The following SMOC2 variants were observed in gnomAD, a reference collection of about 807,000 sequenced individuals.
SMOC2 encodes the protein SPARC related modular calcium binding 2.
Under a neutral mutation model 61.4 loss-of-function variants are expected in SMOC2, and 39 were observed. That is an observed-to-expected ratio of 0.64 (90% CI 0.49 to 0.83). The LOEUF (loss-of-function observed/expected upper bound fraction) is 0.83. Among genes scored for constraint, SMOC2 ranks in the 40% least tolerant of loss-of-function variants. SMOC2 has a pLI of 0.00. For missense variants in SMOC2, 556 were observed against 592.9 expected (o/e 0.94, Z 0.65); for synonymous variants, 247 against 239.9 (o/e 1.03, Z -0.27).
intron 7 of SMOC2, among the ~76,000 whole-genome samples, chr6:168,579,695 G>A (rs1224907616): frequency 1.3e-5 from 2 of 152,180 alleles, no homozygotes; most frequent in South Asian, 2.1e-4. Context: ...GTCCTTGGGG[G>A]CATCACGCGG....
At chr6:168,631,295 C>T (rs535311348) in intron 9 of SMOC2, among the ~76,000 whole-genome samples, 28 of 152,230 alleles carry the variant, frequency 1.8e-4, no homozygotes, top group Admixed American at 3.3e-4. Flanking sequence ...GCCGATTCCC[C>T]GATACTGTCC....
intron 9 of SMOC2, among the ~76,000 whole-genome samples, chr6:168,619,462 T>G (rs746871136): frequency 6.6e-6 from 1 of 152,242 alleles, no homozygotes; most frequent in African/African-American, 2.4e-5. Context: ...ACAATTGTTA[T>G]TCTATTGCAA....
At chr6:168,647,280 C>T (rs1787059004) in intron 9 of SMOC2, among the ~76,000 whole-genome samples, 2 of 152,216 alleles carry the variant, frequency 1.3e-5, no homozygotes, top group Admixed American at 6.5e-5. Flanking sequence ...CGTTAGACCC[C>T]ACCGTGCAGG....
chr6:168,613,394 C>T (rs890898956), intron 9 of SMOC2, among the ~76,000 whole-genome samples: 1 of 152,166 alleles, frequency 6.6e-6, no homozygotes, highest in African/African-American at 2.4e-5. Context: ...CCTTGGGGAG[C>T]CTGGGCATGG....
intron 9 of SMOC2, among the ~76,000 whole-genome samples, chr6:168,622,634 G>A (rs562882307): frequency 1.3e-5 from 2 of 152,190 alleles, no homozygotes; most frequent in East Asian, 1.9e-4. Flanking sequence ...GACTGTTGCC[G>A]TGTCAAGAAA....
chr6:168,598,978 G>A lies in SMOC2; in HGVS notation c.798G>A (p.Gly266=), dbSNP rs1323548463. The A allele has an allele frequency of 6.2e-6, 10 of 1,610,914 alleles. No homozygotes were observed. Among genetic ancestry groups the A allele is most frequent in the Non-Finnish European group, 7.6e-6 (9 of 1,178,364 alleles). Residue 266 remains glycine, a synonymous_variant, in exon 8 of 13, where the codon GGG becomes GGA. Transcript: ENST00000356284. The part of the protein sequence containing the change: ...GYCWCVLVDT[G]RPIPGTSTRY... Reference sequence around the variant, plus strand: ...GCTGGTGCGTCCTGGTGGACACGGGGCGCCCCATTCCCGGCACATCCACAA... The same window carrying A: ...GCTGGTGCGTCCTGGTGGACACGGGACGCCCCATTCCCGGCACATCCACAA...
intron 1 of SMOC2, among the ~76,000 whole-genome samples, chr6:168,473,783 C>A (rs1404450245): frequency 2.0e-5 from 3 of 152,040 alleles, no homozygotes; most frequent in Non-Finnish European, 4.4e-5. Flanking sequence ...AGTGTCTTCT[C>A]ACAAGCAAGA....
intron 9 of SMOC2, among the ~76,000 whole-genome samples, chr6:168,616,893 G>T (rs921978378): frequency 6.6e-6 from 1 of 152,160 alleles, no homozygotes; most frequent in South Asian, 2.1e-4. Context: ...CTGCACTGCG[G>T]GGGGGTTGCA....
chr6:168,560,540 TTTCCTGCCCTGAGACACGAGG>T (rs1473157931), intron 7 of SMOC2, among the ~76,000 whole-genome samples: 5 of 143,482 alleles, frequency 3.5e-5, no homozygotes, highest in Admixed American at 7.2e-5. Flanking sequence ...GAGGTGTCAT[TTTCCTGCCCTGAGACACGAGG>T]CTCTCACTGC....
At chr6:168,647,818 G>A (rs540433460) in intron 9 of SMOC2, among the ~76,000 whole-genome samples, 30 of 152,128 alleles carry the variant, frequency 2.0e-4, no homozygotes, top group African/African-American at 7.0e-4. Flanking sequence ...AAGTACAGTC[G>A]TCCGTCATCA....
At chr6:168,461,081 A>G (rs1032103228) in intron 1 of SMOC2, among the ~76,000 whole-genome samples, 1 of 152,208 alleles carries the variant, frequency 6.6e-6, no homozygotes, top group Non-Finnish European at 1.5e-5. Flanking sequence ...TTTACAAAAG[A>G]AAGAAGTTTA....
intron 7 of SMOC2, among the ~76,000 whole-genome samples, chr6:168,597,058 G>GTT (rs1470195790): frequency 6.6e-6 from 1 of 152,224 alleles, no homozygotes. Flanking sequence ...TCACTTTAAT[G>GTT]TTTATCATCC....
chr6:168,458,088 G>T (rs1781629650), intron 1 of SMOC2, among the ~76,000 whole-genome samples: 1 of 152,186 alleles, frequency 6.6e-6, no homozygotes, highest in South Asian at 2.1e-4. Context: ...AGGCTGGGGG[G>T]ATGTCATGAT....
At position 168,666,497 on chromosome 6, in the gene SMOC2, C is replaced by A. The variant is rs1349775038; in HGVS notation, c.*59C>A. The A allele has an allele frequency of 2.5e-6, 4 of 1,582,010 alleles. No homozygotes were observed. Among genetic ancestry groups the A allele is most frequent in the Admixed American group, 1.7e-5 (1 of 59,008 alleles). On this transcript the variant is annotated 3_prime_UTR_variant, in exon 13 of 13. Transcript: ENST00000356284. ...ATGGGAAATTTCCCTCACCAAAGAG[C>A]AATTAAGAAAACAAAAACAGAAACA...
chr6:168,665,948 G>C (rs896821899), intron 12 of SMOC2, among the ~76,000 whole-genome samples: 2 of 150,222 alleles, frequency 1.3e-5, no homozygotes, highest in African/African-American at 5.0e-5. Flanking sequence ...TGAAAGTCAA[G>C]ATGCTGAGTT....
chr6:168,501,106 T>C (rs914467670), intron 1 of SMOC2, among the ~76,000 whole-genome samples: 3 of 152,188 alleles, frequency 2.0e-5, no homozygotes, highest in African/African-American at 7.2e-5. Flanking sequence ...AATCTTTCGT[T>C]GTCATTGCCA....
Position 168,544,328 on chromosome 6 carries a change from G to A in SMOC2, c.511+656G>A, listed in dbSNP as rs1783943941. The stretch of plus-strand genomic sequence containing the variant: ...CTTTAAAGTCAGACGTTGTTTTCAA[G>A]ATGAGAAGAAATACTTTAGTACCAA... On this transcript the variant is annotated intron_variant, in intron 5 of 12. Coordinates refer to ENST00000356284, the MANE Select transcript of SMOC2 (RefSeq NM_001166412.2). This position sits in a 1 kb window ranked among gnomAD's most constrained non-coding sequence, Gnocchi z 4.1. 6.6e-6 allele frequency among the ~76,000 whole-genome samples: 1 copy of A among 152,172 alleles called. No individual in the cohort carries two copies. The highest frequency in any genetic ancestry group is 2.4e-5 in the African/African-American group (1 of 41,452).
chr6:168,645,704 C>T (rs1487656996), intron 9 of SMOC2, among the ~76,000 whole-genome samples: 1 of 152,208 alleles, frequency 6.6e-6, no homozygotes, highest in Non-Finnish European at 1.5e-5. Context: ...AGACACGGCA[C>T]ATGTTCCTGG....
chr6:168,555,688 C>T (rs1784231076), intron 7 of SMOC2, among the ~76,000 whole-genome samples: 1 of 152,200 alleles, frequency 6.6e-6, no homozygotes, highest in Non-Finnish European at 1.5e-5. Flanking sequence ...TTCCTTCACA[C>T]CCAGGCCAGA....
Sources: allele counts gnomAD v4.1 joint callset (sites outside exome capture counted in the v4.1 genomes callset), GRCh38; gene constraint gnomAD v4.1.1; non-coding constraint Gnocchi (gnomAD v3.1); transcripts MANE v1.5; gene names NCBI Gene and HGNC (gene_info 2026-07-23, HGNC 2026-07-21).